Variants in SHROOM2 observed in about 807,000 individuals in gnomAD.
The protein encoded by SHROOM2 is shroom family member 2, also known as protein Shroom2.
SHROOM2 carries 33 observed loss-of-function variants against 75.9 expected under a neutral mutation model. The observed-to-expected ratio is 0.43, with a 90% confidence interval of 0.33 to 0.58. SHROOM2 has a LOEUF of 0.58. SHROOM2 is among the 20% of genes least tolerant of loss of function. The pLI is 0.04. For missense variants in SHROOM2, 1,434 were observed against 1,461.2 expected (o/e 0.98, Z 0.30); for synonymous variants, 655 against 663.6 (o/e 0.99, Z 0.20).
At chrX:9,795,975 C>T (rs1271302906) in intron 1 of SHROOM2, among the ~76,000 whole-genome samples, 1 of 110,908 alleles carries the variant, frequency 9.0e-6, no homozygotes, top group African/African-American at 3.3e-5. Context: ...TGCTTGCATC[C>T]GGAGCTGGAT....
Position 9,895,761 on chromosome X carries a change from A to G in SHROOM2, c.1853A>G (p.Lys618Arg), listed in dbSNP as rs1428731627. The G allele has an allele frequency of 8.3e-7, 1 of 1,201,099 alleles. No individual in the cohort carries two copies. The highest frequency in any genetic ancestry group is 1.1e-6 in the Non-Finnish European group (1 of 890,741). The change falls in exon 4 of 10, where the codon AAG (lysine) becomes AGG (arginine). Residue 618 changes from lysine (K) to arginine (R), a missense_variant. Lys to Arg is a conservative substitution (Grantham distance 26). Around this residue, in one of 3 missense-constraint regions of SHROOM2, gnomAD observed 1,340 missense variants for 1,338.3 expected, o/e 1.00. Transcript: ENST00000380913. ...RPPPFDAHVG[K>R]PTRRSDRFAT... is the part of the protein sequence containing the mutation. ...CCACCGTTCGACGCCCACGTGGGCA[A>G]GCCCACCCGAAGAAGCGACCGCTTT...
intron 1 of SHROOM2, among the ~76,000 whole-genome samples, chrX:9,841,996 C>T (rs976443537): frequency 2.7e-5 from 3 of 112,041 alleles, no homozygotes; most frequent in African/African-American, 9.7e-5. Context: ...GAGTTCCAGG[C>T]TGTAGTGAAC....
intron 5 of SHROOM2, among the ~76,000 whole-genome samples, chrX:9,915,372 G>A: frequency 9.0e-6 from 1 of 111,011 alleles, no homozygotes; most frequent in Middle Eastern, 4.6e-3. Context: ...CACGCACAGG[G>A]GTAATAGCTT....
chrX:9,826,208 C>T (rs959775415), intron 1 of SHROOM2, among the ~76,000 whole-genome samples: 4 of 112,070 alleles, frequency 3.6e-5, no homozygotes, highest in African/African-American at 9.7e-5. Flanking sequence ...TCACTTTCTT[C>T]CCCTTGCCTT....
At chrX:9,903,591 TG>T (rs1371426210) in intron 5 of SHROOM2, among the ~76,000 whole-genome samples, 1 of 111,685 alleles carries the variant, frequency 9.0e-6, no homozygotes, top group Non-Finnish European at 1.9e-5. Context: ...TCACCCAGGC[TG>T]GAGTGCAGTA....
chrX:9,932,886 G>A lies in SHROOM2; in HGVS notation c.3587+16G>A, dbSNP rs376536073. 1.8e-3 allele frequency: 2,039 copies of A among 1,146,568 alleles called. 4 individuals are homozygous for A. Among genetic ancestry groups the A allele is most frequent in the Non-Finnish European group, 2.1e-3 (1,788 of 860,424 alleles). The allele number at this position is 1,146,568 out of a possible 1,213,427, so 94.5% of individuals were successfully genotyped here. ...ATTCAACCAGGTACTGTCCTGCGAC[G>A]GTGTTCCCTCCCCATGAGGCTCCTA... On this transcript the variant is annotated intron_variant, in intron 6 of 9. Transcript: ENST00000380913.
Position 9,947,217 on chromosome X carries a change from T to C in SHROOM2, c.*280T>C, listed in dbSNP as rs2084829466. 3.0e-6 allele frequency: 1 copy of C among 337,672 alleles called. No individual in the cohort carries two copies. Among genetic ancestry groups the C allele is most frequent in the Non-Finnish European group, 5.1e-6 (1 of 196,626 alleles). 27.8% of individuals were successfully genotyped at this position (337,672 alleles called of 1,213,427 possible). A position where few individuals can be genotyped will look rare whatever the true frequency, so the allele number is the denominator to read the frequency against. The stretch of plus-strand genomic sequence containing the variant: ...AGTTTCCACTGCATGGGCTGTGGGC[T>C]GGGCCTGTGGTGCCTGCCGAGTGGT... On this transcript the variant is annotated 3_prime_UTR_variant, in exon 10 of 10. Transcript: ENST00000380913.
chrX:9,861,783 C>T (rs1005022596), intron 1 of SHROOM2, among the ~76,000 whole-genome samples: 9 of 111,832 alleles, frequency 8.0e-5, no homozygotes, highest in African/African-American at 2.3e-4. Context: ...AAATTGTGTA[C>T]GTAAGTGGCA....
At chrX:9,940,135 G>A (rs1010472131) in intron 8 of SHROOM2, among the ~76,000 whole-genome samples, 1 of 111,839 alleles carries the variant, frequency 8.9e-6, no homozygotes, top group African/African-American at 3.3e-5. Context: ...AAAATTAAGG[G>A]TTTAGGTCTT....
At chrX:9,899,277 G>A (rs2084352671) in intron 5 of SHROOM2, among the ~76,000 whole-genome samples, 1 of 109,339 alleles carries the variant, frequency 9.1e-6, no homozygotes, top group Non-Finnish European at 1.9e-5. Context: ...AAAAAAAATA[G>A]TATAATCTTC....
chrX:9,789,090 C>T (rs1015759140), intron 1 of SHROOM2, among the ~76,000 whole-genome samples: 3 of 111,636 alleles, frequency 2.7e-5, no homozygotes, highest in African/African-American at 9.8e-5. Context: ...TCCTCCCACG[C>T]GTTGGCCCTG....
intron 1 of SHROOM2, among the ~76,000 whole-genome samples, chrX:9,863,643 G>T (rs2084117205): frequency 9.2e-6 from 1 of 108,904 alleles, no homozygotes; most frequent in African/African-American, 3.4e-5. Flanking sequence ...TAAGAGATGG[G>T]TGTCTCACTA....
chrX:9,891,767 T>C (rs1477533480), intron 3 of SHROOM2, among the ~76,000 whole-genome samples: 1 of 108,937 alleles, frequency 9.2e-6, no homozygotes, highest in Non-Finnish European at 1.9e-5. Context: ...TGTCTGTTCG[T>C]GTGTGCCTGT....
chrX:9,940,675 A>G (rs2084760967), intron 8 of SHROOM2, among the ~76,000 whole-genome samples: 1 of 112,538 alleles, frequency 8.9e-6, no homozygotes, highest in East Asian at 2.8e-4. Context: ...TCCCGCAGCC[A>G]CACGCTTATG....
chrX:9,944,446 A>G (rs3815015), intron 8 of SHROOM2, among the ~76,000 whole-genome samples, 195 bp from the exon 9 acceptor site: 11 of 111,689 alleles, frequency 9.8e-5, no homozygotes, highest in Non-Finnish European at 1.9e-4. Flanking sequence ...AAATGCCAAT[A>G]GTGCCATTAG....
intron 5 of SHROOM2, among the ~76,000 whole-genome samples, chrX:9,912,147 C>G (rs1201996151): frequency 1.1e-5 from 1 of 89,167 alleles, no homozygotes; most frequent in African/African-American, 4.7e-5. Context: ...CACACACACA[C>G]ACACATAAAG....
chrX:9,904,520 C>T (rs779620054), intron 5 of SHROOM2, among the ~76,000 whole-genome samples: 15 of 111,709 alleles, frequency 1.3e-4, no homozygotes, highest in African/African-American at 4.2e-4. Flanking sequence ...CCCAGCAGCC[C>T]CATCCCTGGA....
chrX:9,872,317 C>A (rs1024424934), intron 1 of SHROOM2, among the ~76,000 whole-genome samples: 1 of 113,141 alleles, frequency 8.8e-6, no homozygotes, highest in African/African-American at 3.2e-5. Context: ...CTAATCCCAG[C>A]ACTCTGGGAG....
intron 1 of SHROOM2, among the ~76,000 whole-genome samples, chrX:9,836,046 G>A (rs778596019): frequency 1.3e-4 from 15 of 112,152 alleles, no homozygotes; most frequent in Non-Finnish European, 2.6e-4. Context: ...CCTGAGCCAC[G>A]TACAGCCCAC....
Sources: gnomAD v4.1 joint callset for allele counts (sites outside exome capture counted in the v4.1 genomes callset) on GRCh38, gnomAD v4.1.1 for gene constraint, gnomAD v4.1.1 regional missense constraint, MANE v1.5 for transcripts, NCBI Gene and HGNC (gene_info 2026-07-23, HGNC 2026-07-21) for gene names.